IL1R1: variants seen among roughly 807,000 people sequenced by gnomAD.
The protein encoded by IL1R1 is interleukin 1 receptor type 1.
A neutral mutation model predicts 50.2 loss-of-function variants in IL1R1; 22 were observed. That is an observed-to-expected ratio of 0.44 (90% CI 0.31 to 0.63). The LOEUF (loss-of-function observed/expected upper bound fraction) is 0.63. Ranked by LOEUF, IL1R1 falls within the 20% of genes least tolerant of loss-of-function variation. The probability of loss-of-function intolerance (pLI) is 0.07; values close to 1 mark genes in which losing one functional copy is unlikely to be tolerated. For synonymous variants in IL1R1, 251 were observed against 236.7 expected, an observed-to-expected ratio of 1.06 and a Z score of -0.55; for missense variants, 509 against 676.2, an observed-to-expected ratio of 0.75 and a Z score of 2.74.
chr2:102,079,091 G>T (rs1265663977), intron 1 of IL1R1, among the ~76,000 whole-genome samples: 1 of 152,018 alleles, frequency 6.6e-6, no homozygotes, highest in Non-Finnish European at 1.5e-5. Flanking sequence ...ACAAAAATCA[G>T]CAGAGTAGTA....
At chr2:102,097,158 T>C (rs1679940474) in intron 1 of IL1R1, among the ~76,000 whole-genome samples, 1 of 152,186 alleles carries the variant, frequency 6.6e-6, no homozygotes, top group Non-Finnish European at 1.5e-5. Context: ...ATGGTGACTT[T>C]ATCGGGGATC....
chr2:102,091,560 G>A (rs1679668096), intron 1 of IL1R1, among the ~76,000 whole-genome samples: 1 of 152,172 alleles, frequency 6.6e-6, no homozygotes. Flanking sequence ...CATAGAATGT[G>A]TAATGATCAA....
intron 1 of IL1R1, among the ~76,000 whole-genome samples, chr2:102,095,294 T>C (rs1266061782): frequency 6.6e-6 from 1 of 152,224 alleles, no homozygotes; most frequent in East Asian, 1.9e-4. Context: ...GCAGTGATGA[T>C]AAAGAATGCA....
chr2:102,110,603 G>A (rs780200417), intron 1 of IL1R1, among the ~76,000 whole-genome samples: 4 of 150,996 alleles, frequency 2.6e-5, no homozygotes, highest in African/African-American at 4.9e-5. Context: ...TTCCTATCTC[G>A]TATCATGACC....
In IL1R1 at chr2:102,148,522, C is replaced by T. The variant is rs149233982; in HGVS notation, c.-83-5419C>T. Among the ~76,000 whole-genome samples the T allele has an allele frequency of 2.0e-3, 307 of 152,332 alleles. 1 individual carries two copies. Among genetic ancestry groups the T allele is most frequent in the Non-Finnish European group, 2.3e-3 (158 of 68,032 alleles). ...CACTGCAAGTGATGCTTCTTTGAAG[C>T]CTCATGTTTTGTCTTAGATCGTGGA... On this transcript the variant is annotated intron_variant, in intron 1 of 11. Coordinates refer to ENST00000410023, the MANE Select transcript of IL1R1 (RefSeq NM_000877.4).
chr2:102,174,781 T>TA, intron 10 of IL1R1, 51 bp downstream of exon 10: 2 of 1,476,548 alleles, frequency 1.4e-6, no homozygotes, highest in Non-Finnish European at 1.8e-6. Context: ...AAGGGATAGT[T>TA]AGGAGATGTA....
chr2:102,132,943 T>C (rs1401389691), intron 1 of IL1R1, among the ~76,000 whole-genome samples: 1 of 152,140 alleles, frequency 6.6e-6, no homozygotes, highest in Non-Finnish European at 1.5e-5. Flanking sequence ...AGAAATTGAA[T>C]TTGTAGTTAA....
chr2:102,176,385 A>G lies in IL1R1; in HGVS notation c.1336A>G (p.Lys446Glu). 6.2e-7 allele frequency: 1 copy of G among 1,614,116 alleles called. No individual in the cohort carries two copies. Among genetic ancestry groups the G allele is most frequent in the Non-Finnish European group, 8.5e-7 (1 of 1,180,004 alleles). ...TGAGGTCATTAATGAAAACGTAAAG[A>G]AAAGCAGAAGACTGATTATCATTTT... The part of the protein sequence containing the change: ...IVEVINENVK[K>E]SRRLIIILVR... Residue 446 changes from lysine to glutamate, a missense_variant, in exon 12 of 12, where the codon AAA becomes GAA. Transcript: ENST00000410023.
At chr2:102,162,870 T>C (rs1684852780) in intron 3 of IL1R1, among the ~76,000 whole-genome samples, 1 of 152,192 alleles carries the variant, frequency 6.6e-6, no homozygotes, top group African/African-American at 2.4e-5. Context: ...TTCTTTTGCG[T>C]AGATTCATTT....
chr2:102,104,142 G>C (rs748403410), upstream of IL1R1, among the ~76,000 whole-genome samples: 3 of 152,144 alleles, frequency 2.0e-5, no homozygotes, highest in Non-Finnish European at 4.4e-5. Flanking sequence ...TGTGGTGAAG[G>C]GAGACTTCCA....
intron 11 of IL1R1, 63 bp downstream of exon 11, chr2:102,175,708 T>A: frequency 6.7e-7 from 1 of 1,482,844 alleles, no homozygotes; most frequent in Non-Finnish European, 9.4e-7. Context: ...AAAATGTGGA[T>A]TCCATCTTTC....
chr2:102,135,583 G>C (rs1233016405), intron 1 of IL1R1, among the ~76,000 whole-genome samples: 1 of 152,170 alleles, frequency 6.6e-6, no homozygotes, highest in Non-Finnish European at 1.5e-5. Flanking sequence ...AATACAGAAC[G>C]AATGATCACC....
At chr2:102,115,201 T>A (rs1680999515) in intron 1 of IL1R1, among the ~76,000 whole-genome samples, 1 of 152,164 alleles carries the variant, frequency 6.6e-6, no homozygotes, top group Non-Finnish European at 1.5e-5. Context: ...TAATGTGGGT[T>A]GAGAACCACT....
chr2:102,118,805 CAGG>C (rs1681234705), intron 1 of IL1R1, among the ~76,000 whole-genome samples: 1 of 152,012 alleles, frequency 6.6e-6, no homozygotes, highest in African/African-American at 2.4e-5. Context: ...ATCATGAGGT[CAGG>C]AGATCAAGAC....
chr2:102,076,395 T>G (rs1678961035), intron 1 of IL1R1, among the ~76,000 whole-genome samples: 1 of 152,174 alleles, frequency 6.6e-6, no homozygotes. Context: ...GCCAGGATGG[T>G]CTCAATCTCC....
intron 1 of IL1R1, among the ~76,000 whole-genome samples, chr2:102,075,917 T>G (rs1012143302): frequency 1.3e-5 from 2 of 152,184 alleles, no homozygotes; most frequent in South Asian, 4.1e-4. Flanking sequence ...CAGGGAGGGA[T>G]CAACAGTGCA....
intron 1 of IL1R1, among the ~76,000 whole-genome samples, chr2:102,082,118 T>C (rs1679237516): frequency 6.6e-6 from 1 of 152,160 alleles, no homozygotes; most frequent in South Asian, 2.1e-4. Flanking sequence ...TCGTCCTCCC[T>C]TTCCTTCTTC....
intron 1 of IL1R1, among the ~76,000 whole-genome samples, chr2:102,074,095 A>G (rs998233410): frequency 6.6e-6 from 1 of 151,964 alleles, no homozygotes; most frequent in Non-Finnish European, 1.5e-5. Context: ...TTTAGGATTT[A>G]CTCCTTGGGT....
intron 3 of IL1R1, among the ~76,000 whole-genome samples, chr2:102,164,083 G>A (rs774173818): frequency 2.0e-5 from 3 of 152,036 alleles, no homozygotes; most frequent in East Asian, 1.9e-4. Flanking sequence ...CCTCCAGTTC[G>A]TTTGGTAGTC....
Sources: allele counts gnomAD v4.1 joint callset (sites outside exome capture counted in the v4.1 genomes callset), GRCh38; gene constraint gnomAD v4.1.1; transcripts MANE v1.5; gene names NCBI Gene and HGNC (gene_info 2026-07-23, HGNC 2026-07-21).